The following KATNIP variants were observed in gnomAD, a reference collection of about 807,000 sequenced individuals.
The protein encoded by KATNIP is katanin interacting protein.
Under a neutral mutation model 174.0 loss-of-function variants are expected in KATNIP, and 126 were observed. That is an observed-to-expected ratio of 0.72 (90% CI 0.63 to 0.84). KATNIP has a LOEUF of 0.84. KATNIP is among the 40% of genes least tolerant of loss of function. The pLI, the probability that KATNIP is intolerant of heterozygous loss-of-function variation, is 0.00. For synonymous variants in KATNIP, 810 were observed against 835.7 expected (o/e 0.97, Z 0.53); for missense variants, 1,958 against 2,109.7 (o/e 0.93, Z 1.41).
intron 11 of KATNIP, among the ~76,000 whole-genome samples, chr16:27,703,503 T>A (rs1265861049): frequency 6.6e-6 from 1 of 152,254 alleles, no homozygotes; most frequent in East Asian, 1.9e-4. Context: ...ATTGTTGTTG[T>A]TATAGTTTGT....
In KATNIP at chr16:27,751,933, G is replaced by A. The variant is rs1269317771; in HGVS notation, c.3552+9G>A. 4.4e-6 allele frequency: 7 copies of A among 1,595,030 alleles called. No homozygotes were observed. In the African/African-American group the frequency reaches 5.4e-5, roughly 12 times the overall value. On this transcript the variant is annotated intron_variant, in intron 17 of 27. Transcript: ENST00000261588. ...TGGGGGCTGATGAACGGGTAGGACT[G>A]GAGCTGGGGGGCTGTGGGGGGACCC...
intron 15 of KATNIP, among the ~76,000 whole-genome samples, chr16:27,748,061 C>T (rs940271238): frequency 1.3e-5 from 2 of 152,120 alleles, no homozygotes; most frequent in African/African-American, 2.4e-5. Context: ...TGTCAGCAGC[C>T]GCTGTTTTTG....
chr16:27,602,696 CTCT>C (rs373657087), intron 2 of KATNIP, among the ~76,000 whole-genome samples: 45 of 151,932 alleles, frequency 3.0e-4, no homozygotes, highest in South Asian at 2.7e-3. Context: ...TTGGGTTTTC[CTCT>C]TCTTCTTCTT....
chr16:27,637,724 A>G lies in KATNIP; in HGVS notation c.408+6562A>G, dbSNP rs2076677224. On this transcript the variant is annotated intron_variant, in intron 5 of 27. Transcript: ENST00000261588. This position sits in a 1 kb window ranked among gnomAD's most constrained non-coding sequence, Gnocchi z 4.7. ...TGGGGATGAGGGTGTCAGGGTTGCA[A>G]GTAGGAAGAACCGGCCATGCAGGGC... Among the ~76,000 whole-genome samples the G allele has an allele frequency of 6.6e-6, 1 of 152,202 alleles. No individual in the cohort carries two copies. Among genetic ancestry groups the G allele is most frequent in the African/African-American group, 2.4e-5 (1 of 41,464 alleles).
intron 6 of KATNIP, chr16:27,669,166 C>A: frequency 4.5e-6 from 2 of 440,632 alleles, no homozygotes; most frequent in Non-Finnish European, 3.0e-6. Context: ...CGCCTGATGT[C>A]ACTTTTCCTA....
At chr16:27,633,376 T>A (rs1255355234) in intron 5 of KATNIP, among the ~76,000 whole-genome samples, 1 of 151,134 alleles carries the variant, frequency 6.6e-6, no homozygotes, top group Non-Finnish European at 1.5e-5. Flanking sequence ...ATTTTTTCTC[T>A]TTAAAATTTA....
intron 2 of KATNIP, among the ~76,000 whole-genome samples, chr16:27,580,936 G>A (rs949598990): frequency 2.6e-5 from 4 of 152,002 alleles, no homozygotes; most frequent in African/African-American, 4.8e-5. Context: ...ATTAATATAT[G>A]TACAGAACTC....
chr16:27,707,073 ATCCGCG>A (rs1325398769), intron 12 of KATNIP, among the ~76,000 whole-genome samples: 1 of 151,990 alleles, frequency 6.6e-6, no homozygotes. Context: ...CCTCCTCCCT[ATCCGCG>A]TTCCCACCGT....
intron 14 of KATNIP, among the ~76,000 whole-genome samples, chr16:27,728,230 G>A (rs1263409078): frequency 1.3e-5 from 2 of 152,222 alleles, no homozygotes; most frequent in African/African-American, 2.4e-5. Flanking sequence ...CTGAACTGTG[G>A]GCCTCAGGCT....
intron 6 of KATNIP, among the ~76,000 whole-genome samples, chr16:27,671,898 A>G (rs2077920273): frequency 6.6e-6 from 1 of 152,124 alleles, no homozygotes. Flanking sequence ...TCTACTAAAA[A>G]TACAAAAATC....
chr16:27,677,702 C>T lies in KATNIP; in HGVS notation c.541-27C>T, dbSNP rs2078173934. The T allele has an allele frequency of 2.5e-6, 4 of 1,583,274 alleles. No individual in the cohort carries two copies. In the South Asian group the frequency reaches 4.5e-5, roughly 18 times the overall value. ...TTTTCTCAAGGTACCATATTTATCT[C>T]TCATCTCTCTTCTGGGCTTTTTGCA... On this transcript the variant is annotated intron_variant, in intron 6 of 27. Coordinates refer to ENST00000261588, the MANE Select transcript of KATNIP (RefSeq NM_015202.5).
intron 14 of KATNIP, among the ~76,000 whole-genome samples, chr16:27,724,275 A>G (rs932020613): frequency 4.6e-5 from 7 of 152,146 alleles, no homozygotes; most frequent in Admixed American, 3.3e-4. Flanking sequence ...GCAGGTGGCC[A>G]TCGTCACCCT....
chr16:27,740,773 C>A lies in KATNIP; in HGVS notation c.2476C>A (p.Pro826Thr), dbSNP rs780743102. 3 of 1,614,186 alleles carry A rather than the reference C, an allele frequency of 1.9e-6. No homozygotes were observed. The highest frequency in any genetic ancestry group is 2.5e-6 in the Non-Finnish European group (3 of 1,180,036). The change falls in exon 15 of 28, where the codon CCC becomes ACC. Residue 826 changes from proline to threonine, a missense_variant. Transcript: ENST00000261588. The stretch of plus-strand genomic sequence containing the variant: ...CCGGAGTGTCAACACCAAGGAGAGA[C>A]CCCAGAGGGCAACCACCAAAGTCCA... The part of the protein sequence containing the change: ...TSRSVNTKER[P>T]QRATTKVHSD...
At chr16:27,721,429 G>C in intron 13 of KATNIP, 129 bp from the exon 14 acceptor site, 3 of 1,061,304 alleles carry the variant, frequency 2.8e-6, no homozygotes, top group Non-Finnish European at 4.3e-6. Flanking sequence ...CAACGGGGTG[G>C]CCTGGCTGTC....
chr16:27,730,581 C>T (rs1346163639), intron 14 of KATNIP, among the ~76,000 whole-genome samples: 2 of 152,210 alleles, frequency 1.3e-5, no homozygotes, highest in Non-Finnish European at 2.9e-5. Flanking sequence ...TGCCTTAGCT[C>T]CTGCCATCCC....
At chr16:27,575,992 T>C (rs191079623) in intron 2 of KATNIP, among the ~76,000 whole-genome samples, 110 of 152,204 alleles carry the variant, frequency 7.2e-4, no homozygotes, top group Admixed American at 2.5e-3. Flanking sequence ...GGGATGGAAG[T>C]GAGCCCAGAC....
intron 19 of KATNIP, among the ~76,000 whole-genome samples, chr16:27,765,208 G>T (rs1226916828): frequency 2.0e-5 from 3 of 152,120 alleles, no homozygotes; most frequent in African/African-American, 4.8e-5. Flanking sequence ...CTTCTGAATG[G>T]CAGTGCCAGA....
chr16:27,732,521 A>G (rs1032311617), intron 14 of KATNIP, among the ~76,000 whole-genome samples: 1 of 152,202 alleles, frequency 6.6e-6, no homozygotes, highest in Non-Finnish European at 1.5e-5. Context: ...GTCTGTGGAC[A>G]CTTGGCTAAG....
At chr16:27,652,831 T>C (rs2077159284) in intron 6 of KATNIP, among the ~76,000 whole-genome samples, 2 of 151,476 alleles carry the variant, frequency 1.3e-5, no homozygotes, top group South Asian at 4.2e-4. Context: ...AATTATATTG[T>C]CTCTGTTGAT....
Sources: gnomAD v4.1 joint callset for allele counts (sites outside exome capture counted in the v4.1 genomes callset) on GRCh38, gnomAD v4.1.1 for gene constraint, Gnocchi (gnomAD v3.1) non-coding constraint, MANE v1.5 for transcripts, NCBI Gene and HGNC (gene_info 2026-07-23, HGNC 2026-07-21) for gene names.